DCHS2: variants seen among roughly 807,000 people sequenced by gnomAD.
The protein encoded by DCHS2 is protocadherin-23.
Under a neutral mutation model 182.4 loss-of-function variants are expected in DCHS2, and 142 were observed. The observed-to-expected ratio is 0.78, with a 90% CI of 0.68 to 0.89. The LOEUF is 0.89. DCHS2 is among the 40% of genes least tolerant of loss of function. The pLI is 0.00. For synonymous variants in DCHS2, 1,740 were observed against 1,663.3 expected (o/e 1.05, Z -1.12); for missense variants, 4,319 against 4,198.6 (o/e 1.03, Z -0.79).
chr4:154,297,984 T>A lies in DCHS2; in HGVS notation c.6330A>T (p.Leu2110Phe), dbSNP rs764667965. 2 of 1,614,132 alleles carry A rather than the reference T, an allele frequency of 1.2e-6. No homozygotes were observed. The highest frequency in any genetic ancestry group is 1.7e-6 in the Non-Finnish European group (2 of 1,179,986). Residue 2110 changes from leucine (L) to phenylalanine (F), a missense_variant, in exon 13 of 20, where the codon TTA (leucine) becomes TTT (phenylalanine). By Grantham distance (22) the Leu-to-Phe change is conservative (BLOSUM62 0). Coordinates refer to ENST00000357232, the MANE Select transcript of DCHS2 (RefSeq NM_001358235.2). Reference sequence around the variant, plus strand: ...CTGGAATGCCCTGGTCTGTAACTTTTAACTGCAGCCAGATAGGGAAGTATT... The same window carrying A: ...CTGGAATGCCCTGGTCTGTAACTTTAAACTGCAGCCAGATAGGGAAGTATT... ...SSEYFPIWLQ[L>F]KVTDQGIPAR...
intron 5 of DCHS2, 47 bp from the exon 6 acceptor site, chr4:154,329,757 G>A (rs777623968): frequency 3.5e-5 from 54 of 1,534,010 alleles, no homozygotes; most frequent in East Asian, 2.3e-5. Flanking sequence ...TGTACCAGGC[G>A]CACCAGGGCC....
rs540041058 is a variant in DCHS2 at position 154,259,862 on chromosome 4, G to A, written c.6578-106C>T. ...TTTTGAGACAGAGTCTCGCACTGTC[G>A]CCCAGGCTGGAGTGCAGTGGTGAAA... is the stretch of plus-strand genomic sequence containing the variant. On this transcript the variant is annotated intron_variant, in intron 14 of 19. Coordinates refer to ENST00000357232, the MANE Select transcript of DCHS2 (RefSeq NM_001358235.2). The A allele has an allele frequency of 2.2e-3, 2,806 of 1,283,970 alleles. 6 individuals are homozygous for A. Among genetic ancestry groups the A allele is most frequent in the Non-Finnish European group, 2.7e-3 (2,603 of 975,880 alleles). The allele number at this position is 1,283,970 out of a possible 1,614,324, so 79.5% of individuals were successfully genotyped here. A position where few individuals can be genotyped will look rare whatever the true frequency, so the allele number is the denominator to read the frequency against.
chr4:154,252,000 C>CATTCA (rs1433569770), intron 16 of DCHS2, among the ~76,000 whole-genome samples: 290 of 152,212 alleles, frequency 1.9e-3, no homozygotes, highest in Middle Eastern at 3.4e-3. Context: ...AATATGAAAA[C>CATTCA]TAAAAATTAT....
At chr4:154,464,735 AT>A in intron 1 of DCHS2, among the ~76,000 whole-genome samples, 1 of 152,250 alleles carries the variant, frequency 6.6e-6, no homozygotes, top group East Asian at 1.9e-4. Context: ...GCTGAACAGG[AT>A]TTGCAATATC....
At chr4:154,367,670 A>G (rs2110776266) in intron 2 of DCHS2, among the ~76,000 whole-genome samples, 1 of 152,302 alleles carries the variant, frequency 6.6e-6, no homozygotes, top group East Asian at 1.9e-4. Context: ...AATCCTTGGT[A>G]AGTCACAACA....
intron 10 of DCHS2, among the ~76,000 whole-genome samples, chr4:154,312,991 T>G (rs1444088893): frequency 6.6e-6 from 1 of 152,050 alleles, no homozygotes; most frequent in African/African-American, 2.4e-5. Flanking sequence ...GTACACCTAG[T>G]GCAGCACCAG....
At chr4:154,446,188 C>T (rs1160072491) in intron 1 of DCHS2, among the ~76,000 whole-genome samples, 4 of 152,102 alleles carry the variant, frequency 2.6e-5, no homozygotes, top group Non-Finnish European at 5.9e-5. Context: ...AAAGTCTAAT[C>T]CATAATAGTT....
intron 3 of DCHS2, among the ~76,000 whole-genome samples, chr4:154,364,692 T>C (rs1315072680): frequency 6.6e-6 from 1 of 152,158 alleles, no homozygotes; most frequent in Non-Finnish European, 1.5e-5. Flanking sequence ...CTAATGGGGC[T>C]GGGTGAGAGG....
chr4:154,490,904 A>C lies in DCHS2; in HGVS notation c.452T>G (p.Val151Gly). The change falls in exon 1 of 20, where the codon GTG becomes GGG. Residue 151 changes from valine (V) to glycine (G), a missense_variant. Val to Gly is a moderately radical substitution (Grantham distance 109). Coordinates refer to ENST00000357232, the MANE Select transcript of DCHS2 (RefSeq NM_001358235.2). ...FVAATLLGAV[V>G]QVEIRVNDVN... ...GTCGTTGACGCGAATCTCCACCTGC[A>C]CCACAGCGCCCAGCAGCGTGGCGGC... The C allele has an allele frequency of 6.4e-7, 1 of 1,551,250 alleles. No homozygotes were observed. Among genetic ancestry groups the C allele is most frequent in the South Asian group, 1.2e-5 (1 of 84,054 alleles).
At chr4:154,416,230 G>T (rs1485470737) in intron 1 of DCHS2, among the ~76,000 whole-genome samples, 1 of 152,130 alleles carries the variant, frequency 6.6e-6, no homozygotes, top group African/African-American at 2.4e-5. Context: ...ACGGGGGACA[G>T]GATAGGCCCC....
At position 154,320,611 on chromosome 4, in the gene DCHS2, C is replaced by T. The variant is rs1388409577; in HGVS notation, c.4788G>A (p.Val1596=). 1 of 1,614,100 alleles carries T rather than the reference C, an allele frequency of 6.2e-7. No homozygotes were observed. The highest frequency in any genetic ancestry group is 8.5e-7 in the Non-Finnish European group (1 of 1,180,008). ...TCAGTGATCTCAGTCGCCGGTCTGT[C>T]ACATTCACAGCCTGATCAGATGCTG... The part of the protein sequence containing the change: ...TVTASDQAVN[V]TDRRLRSLTA... The change falls in exon 9 of 20, where the codon GTG becomes GTA. Residue 1596 remains valine, a synonymous_variant. Coordinates refer to ENST00000357232, the MANE Select transcript of DCHS2 (RefSeq NM_001358235.2).
At chr4:154,300,614 C>T (rs1735160115) in intron 12 of DCHS2, among the ~76,000 whole-genome samples, 1 of 151,158 alleles carries the variant, frequency 6.6e-6, no homozygotes, top group Non-Finnish European at 1.5e-5. Context: ...TTGAGCCTGA[C>T]AGGGGGTACA....
Position 154,236,343 on chromosome 4 carries a change from A to T in DCHS2, c.8309T>A (p.Met2770Lys). 2 of 1,614,104 alleles carry T rather than the reference A, an allele frequency of 1.2e-6. No individual in the cohort carries two copies. Among genetic ancestry groups the T allele is most frequent in the Non-Finnish European group, 1.7e-6 (2 of 1,179,976 alleles). ...AACAATACAGCTGAAGCTTGAGAAC[A>T]TAAACTGAGGTGCATGGTCGTTATC... ...LDDNDHAPQF[M>K]FSSFSCIVPE... Residue 2770 changes from methionine to lysine, a missense_variant, in exon 20 of 20, where the codon ATG becomes AAG. Transcript: ENST00000357232.
chr4:154,440,738 G>T (rs1438442556), intron 1 of DCHS2, among the ~76,000 whole-genome samples: 2 of 152,026 alleles, frequency 1.3e-5, no homozygotes, highest in Admixed American at 1.3e-4. Context: ...ATGTTATGTT[G>T]TACCCTTCTT....
intron 16 of DCHS2, among the ~76,000 whole-genome samples, chr4:154,253,930 T>A (rs1303567632): frequency 6.6e-6 from 1 of 152,204 alleles, no homozygotes; most frequent in Non-Finnish European, 1.5e-5. Flanking sequence ...TGGTATACTG[T>A]ACCTGTGTTT....
Position 154,240,589 on chromosome 4 carries a change from CGG to C in DCHS2, c.7305_7306del (p.Arg2436CysfsTer6), listed in dbSNP as rs775779981. 7.5e-5 allele frequency: 121 copies of C among 1,613,826 alleles called. No homozygotes were observed. The highest frequency in any genetic ancestry group is 4.4e-5 in the Non-Finnish European group (52 of 1,179,862). On this transcript the variant is annotated frameshift_variant, in exon 18 of 20. Transcript: ENST00000357232. LOFTEE classifies it high-confidence loss of function. ...TGGATTATCATTGACATCCAGCACA[CGG>C]ACTACAAGTGCTCCCTCTGTGTAGT...
chr4:154,455,207 C>T (rs986010528), intron 1 of DCHS2, among the ~76,000 whole-genome samples: 5 of 152,154 alleles, frequency 3.3e-5, no homozygotes, highest in African/African-American at 1.2e-4. Context: ...ATCTGATTTC[C>T]TTCTTTGAAT....
Position 154,234,541 on chromosome 4 carries a change from T to G in DCHS2, c.10111A>C (p.Ile3371Leu). The stretch of plus-strand genomic sequence containing the variant: ...TACTTGGCATCCCAGTGGTTTCATA[T>G]TTGAACTTCATCTTCTGCTTTAAGT... Reference protein sequence around the residue: ...HELKAEDEVQI With the variant: ...HELKAEDEVQL Residue 3371 changes from isoleucine (I) to leucine (L), a missense_variant, in exon 20 of 20, where the codon ATA becomes CTA. Coordinates refer to ENST00000357232, the MANE Select transcript of DCHS2 (RefSeq NM_001358235.2). The G allele has an allele frequency of 6.2e-7, 1 of 1,605,984 alleles. No homozygotes were observed. The highest frequency in any genetic ancestry group is 8.5e-7 in the Non-Finnish European group (1 of 1,174,994).
At chr4:154,296,735 T>G (rs572974549) in intron 13 of DCHS2, among the ~76,000 whole-genome samples, 1 of 152,276 alleles carries the variant, frequency 6.6e-6, no homozygotes, top group African/African-American at 2.4e-5. Flanking sequence ...GTGATGAAAA[T>G]GTATAATAAT....
Sources: allele counts gnomAD v4.1 joint callset (sites outside exome capture counted in the v4.1 genomes callset), GRCh38; gene constraint gnomAD v4.1.1; transcripts MANE v1.5; gene names NCBI Gene and HGNC (gene_info 2026-07-23, HGNC 2026-07-21).